Variants in MLXIP observed in about 807,000 individuals in gnomAD.
MLXIP encodes the protein MLX-interacting protein.
MLXIP carries 30 observed loss-of-function variants against 87.2 expected under a neutral mutation model. That is an observed-to-expected ratio of 0.34 (90% CI 0.26 to 0.47). The LOEUF is 0.47. MLXIP is among the 20% of genes least tolerant of loss of function. The pLI, the probability that MLXIP is intolerant of heterozygous loss-of-function variation, is 1.00. For missense variants in MLXIP, 1,002 were observed against 1,240.1 expected (o/e 0.81, Z 2.88); for synonymous variants, 530 against 514.0 (o/e 1.03, Z -0.42).
chr12:122,135,940 G>C lies in MLXIP; in HGVS notation c.2032+274G>C, dbSNP rs188267904. ...GAGTCCCTGCTGACTGCCCACGAAGGCCTGGTACTGAGCTGCTGATCTCAC... is the reference window on the plus strand; with the variant it reads ...GAGTCCCTGCTGACTGCCCACGAAGCCCTGGTACTGAGCTGCTGATCTCAC... On this transcript the variant is annotated intron_variant, in intron 11 of 16. Transcript: ENST00000319080. This position sits in a 1 kb window ranked among gnomAD's most constrained non-coding sequence, Gnocchi z 5.3. The C allele has an allele frequency of 1.1e-4, 43 of 408,974 alleles. No individual in the cohort carries two copies. Among genetic ancestry groups the C allele is most frequent in the African/African-American group, 8.8e-4 (42 of 47,940 alleles). The allele number at this position is 408,974 out of a possible 1,614,324, so 25.3% of individuals were successfully genotyped here.
chr12:122,134,097 G>T (rs781551223), intron 9 of MLXIP, 110 bp downstream of exon 9: 2 of 1,271,262 alleles, frequency 1.6e-6, no homozygotes, highest in East Asian at 2.6e-5. Flanking sequence ...TGGTGTGCAC[G>T]TGCATGCGCA....
chr12:122,120,606 A>G (rs896966304), intron 1 of MLXIP, among the ~76,000 whole-genome samples: 3 of 152,200 alleles, frequency 2.0e-5, no homozygotes, highest in African/African-American at 7.2e-5. Context: ...TTTTATATTT[A>G]TTTTACTACA....
chr12:122,122,348 C>T (rs1952796651), intron 1 of MLXIP, among the ~76,000 whole-genome samples: 1 of 152,058 alleles, frequency 6.6e-6, no homozygotes, highest in African/African-American at 2.4e-5. Flanking sequence ...TCCACTGCTG[C>T]AGGCTCCCTT....
At chr12:122,114,478 T>G (rs1046766725) in intron 1 of MLXIP, among the ~76,000 whole-genome samples, 5 of 152,200 alleles carry the variant, frequency 3.3e-5, no homozygotes, top group Non-Finnish European at 7.3e-5. Context: ...ATTCTACCCC[T>G]GTGGTTGACC....
rs192679711 is a variant in MLXIP, at chr12:122,091,818, C to T, written c.413+12552C>T. On this transcript the variant is annotated intron_variant, in intron 1 of 16. Transcript: ENST00000319080. ...CTAGAGTGTTTGCTGAAAGAGCAGC[C>T]ATCACTTAACTTCAGGTGATTCTTG... is the stretch of plus-strand genomic sequence containing the variant. Among the ~76,000 whole-genome samples, 73 of 152,282 alleles carry T rather than the reference C, an allele frequency of 4.8e-4. No homozygotes were observed. The Middle Eastern group carries it at 0.017, about 35-fold the overall frequency.
rs1215699389 is a variant in MLXIP at position 122,081,085 on chromosome 12, A to AT, written c.413+1829dup. ...AACACCAAATAATTTTAGTAATGGC[A>AT]TTTTTTTTTTCATTTCTCTCAAAAA... On this transcript the variant is annotated intron_variant, in intron 1 of 16. Coordinates refer to ENST00000319080, the MANE Select transcript of MLXIP (RefSeq NM_014938.6). Among the ~76,000 whole-genome samples the AT allele has an allele frequency of 2.3e-4, 34 of 149,454 alleles. 1 individual carries two copies. Among genetic ancestry groups the AT allele is most frequent in the African/African-American group, 5.6e-4 (23 of 40,754 alleles).
chr12:122,120,065 C>T (rs1194365952), intron 1 of MLXIP, among the ~76,000 whole-genome samples: 1 of 152,190 alleles, frequency 6.6e-6, no homozygotes, highest in Non-Finnish European at 1.5e-5. Flanking sequence ...GACCTGTGTC[C>T]TACTGATGAT....
intron 1 of MLXIP, among the ~76,000 whole-genome samples, chr12:122,114,597 G>C (rs969218830): frequency 1.6e-4 from 25 of 152,138 alleles, no homozygotes; most frequent in Non-Finnish European, 5.9e-5. Flanking sequence ...AAGTCAGATT[G>C]GTAACTGTTC....
Position 122,141,745 on chromosome 12 carries a change from C to T in MLXIP, c.2693C>T (p.Pro898Leu), listed in dbSNP as rs754435343. 23 of 1,613,760 alleles carry T rather than the reference C, an allele frequency of 1.4e-5. No individual in the cohort carries two copies. Among genetic ancestry groups the T allele is most frequent in the Non-Finnish European group, 1.6e-5 (19 of 1,179,900 alleles). Residue 898 changes from proline (P) to leucine (L), a missense_variant, in exon 17 of 17, where the codon CCG becomes CTG. By Grantham distance (98) the Pro-to-Leu change is moderately conservative. Around this residue, in one of 3 missense-constraint regions of MLXIP, gnomAD observed 746 missense variants for 897.0 expected, o/e 0.83. Transcript: ENST00000319080. ...LSTSTSILTD[P>L]AQLPEQASKA... ...ACCTCCACCTCCATCCTCACAGACCCGGCACAGCTGCCAGAGCAGGCGTCC... is the reference window on the plus strand; with the variant it reads ...ACCTCCACCTCCATCCTCACAGACCTGGCACAGCTGCCAGAGCAGGCGTCC...
Position 122,142,739 on chromosome 12 carries a change from A to T in MLXIP, c.*927A>T, listed in dbSNP as rs1953231941. 5.7e-6 allele frequency: 1 copy of T among 176,310 alleles called. No individual in the cohort carries two copies. The allele number at this position is 176,310 out of a possible 1,614,324, so 10.9% of individuals were successfully genotyped here. A position where few individuals can be genotyped will look rare whatever the true frequency, so the allele number is the denominator to read the frequency against. On this transcript the variant is annotated 3_prime_UTR_variant, in exon 17 of 17. Coordinates refer to ENST00000319080, the MANE Select transcript of MLXIP (RefSeq NM_014938.6). The stretch of plus-strand genomic sequence containing the variant: ...TCCACGTCCTGCTGTCAGCCTTGTC[A>T]TCTTGTCTGATGTCTTTCAGCTGGG...
intron 1 of MLXIP, among the ~76,000 whole-genome samples, chr12:122,084,546 C>CT (rs1246859726): frequency 1.3e-5 from 2 of 151,416 alleles, no homozygotes; most frequent in Non-Finnish European, 2.9e-5. Context: ...CTTCCATGAC[C>CT]TTTTTTTTTG....
intron 1 of MLXIP, among the ~76,000 whole-genome samples, chr12:122,112,646 CAAA>C (rs773472139): frequency 3.5e-5 from 3 of 84,988 alleles, no homozygotes; most frequent in African/African-American, 9.0e-5. Context: ...GACTCCATCT[CAAA>C]AAAAAAAAAA....
At chr12:122,130,284 C>T (rs556779472) in intron 6 of MLXIP, 172 bp downstream of exon 6, 43 of 243,198 alleles carry the variant, frequency 1.8e-4, no homozygotes, top group South Asian at 7.5e-4. Context: ...CCAGGCCGCA[C>T]GTACCGAGTG....
At chr12:122,136,450 C>CA (rs1953092240) in intron 11 of MLXIP, 1 of 33,040 alleles carries the variant, frequency 3.0e-5, no homozygotes, top group East Asian at 9.3e-4. Context: ...TTGTCCCTAT[C>CA]AAAAAATGCA....
chr12:122,131,428 G>A (rs1393679989), intron 7 of MLXIP, among the ~76,000 whole-genome samples: 1 of 134,404 alleles, frequency 7.4e-6, no homozygotes, highest in Non-Finnish European at 1.6e-5. Context: ...TTTAGTCCTT[G>A]ATTTGTTTGA....
At chr12:122,090,596 A>T (rs1952232521) in intron 1 of MLXIP, among the ~76,000 whole-genome samples, 1 of 152,158 alleles carries the variant, frequency 6.6e-6, no homozygotes, top group African/African-American at 2.4e-5. Context: ...GGTGGTGGGT[A>T]CTTGAGTATT....
chr12:122,129,583 C>T lies in MLXIP; in HGVS notation c.697-5C>T. 6.2e-7 allele frequency: 1 copy of T among 1,613,530 alleles called. No homozygotes were observed. The highest frequency in any genetic ancestry group is 8.5e-7 in the Non-Finnish European group (1 of 1,179,786). On this transcript the variant is annotated splice_region_variant and splice_polypyrimidine_tract_variant and intron_variant, in intron 4 of 16. Transcript: ENST00000319080. ...GACCGCCGTGTCCTGTCCCTTTGCC[C>T]ACAGCTACAGCAGCACAAGGATGAG...
chr12:122,129,249 C>T, intron 4 of MLXIP, 23 bp downstream of exon 4: 3 of 1,584,842 alleles, frequency 1.9e-6, no homozygotes, highest in Non-Finnish European at 1.7e-6. Context: ...AGTGTTCAGG[C>T]AGCCCGCCTA....
chr12:122,127,494 A>G, intron 2 of MLXIP, 132 bp downstream of exon 2: 1 of 676,890 alleles, frequency 1.5e-6, no homozygotes, highest in South Asian at 1.9e-5. Flanking sequence ...CAGACAGGAA[A>G]CCCAAGCCAT....
Sources: allele counts gnomAD v4.1 joint callset (sites outside exome capture counted in the v4.1 genomes callset), GRCh38; gene constraint gnomAD v4.1.1; regional missense constraint gnomAD v4.1.1; non-coding constraint Gnocchi (gnomAD v3.1); transcripts MANE v1.5; gene names NCBI Gene and HGNC (gene_info 2026-07-23, HGNC 2026-07-21).